Variants in PCDHA1 observed in about 807,000 individuals in gnomAD.
PCDHA1 encodes the protein protocadherin alpha 1.
A neutral mutation model predicts 61.3 loss-of-function variants in PCDHA1; 42 were observed. The ratio of observed to expected loss-of-function variants is 0.69; its 90% CI spans 0.54 to 0.89. The LOEUF is 0.89. PCDHA1 is among the 40% of genes least tolerant of loss of function. The pLI is 0.00. For missense variants in PCDHA1, 1,256 were observed against 1,235.3 expected (o/e 1.02, Z -0.25); for synonymous variants, 610 against 553.8 (o/e 1.10, Z -1.43).
chr5:140,839,045 G>A (rs914747083), intron 1 of PCDHA1, among the ~76,000 whole-genome samples: 2 of 151,914 alleles, frequency 1.3e-5, no homozygotes, highest in South Asian at 2.1e-4. Context: ...TCTTTTCAAC[G>A]TGAATAAGGA....
At chr5:140,994,248 G>A (rs188394827) in intron 3 of PCDHA1, among the ~76,000 whole-genome samples, 1 of 152,238 alleles carries the variant, frequency 6.6e-6, no homozygotes, top group East Asian at 1.9e-4. Flanking sequence ...TCAAACCCTA[G>A]GTAAATAAGG....
At chr5:140,825,489 C>T (rs189217781) in intron 1 of PCDHA1, 5 of 150,238 alleles carry the variant, frequency 3.3e-5, no homozygotes, top group East Asian at 3.9e-4. Context: ...GTTGCCCAAA[C>T]GAGTGCAATG....
intron 1 of PCDHA1, chr5:140,881,320 A>G (rs186641452): frequency 3.0e-6 from 3 of 983,610 alleles, no homozygotes; most frequent in East Asian, 1.1e-4. Context: ...GTTAAATTCT[A>G]TTTAACCAGG....
chr5:140,876,258 C>G lies in PCDHA1; in HGVS notation c.2394+87574C>G, dbSNP rs782047443. ...ATGTCCAAAACGACACAAGAGTGAT[C>G]CAACTAAATGCTTCCGATCCAGACG... On this transcript the variant is annotated intron_variant, in intron 1 of 3. Coordinates refer to ENST00000504120, the MANE Select transcript of PCDHA1 (RefSeq NM_018900.4). 4 of 1,613,968 alleles carry G rather than the reference C, an allele frequency of 2.5e-6. No homozygotes were observed. The East Asian group carries it at 8.9e-5, about 36-fold the overall frequency.
intron 1 of PCDHA1, chr5:140,863,238 T>G (rs1367184463): frequency 9.1e-6 from 12 of 1,318,616 alleles, no homozygotes; most frequent in Non-Finnish European, 1.3e-5. Context: ...CATCGCGGGC[T>G]TTGGCGGGCG....
chr5:140,961,135 A>T (rs1554225235), intron 1 of PCDHA1, among the ~76,000 whole-genome samples: 2 of 152,186 alleles, frequency 1.3e-5, no homozygotes, highest in African/African-American at 4.8e-5. Flanking sequence ...TTGGCACTTA[A>T]GAGTTGGCAT....
At position 140,829,969 on chromosome 5, in the gene PCDHA1, G is replaced by A. The variant is rs144012634; in HGVS notation, c.2394+41285G>A. The A allele has an allele frequency of 1.9e-4, 306 of 1,614,010 alleles. 1 individual carries two copies. The African/African-American group carries it at 3.5e-3, about 18-fold the overall frequency. On this transcript the variant is annotated intron_variant, in intron 1 of 3. Coordinates refer to ENST00000504120, the MANE Select transcript of PCDHA1 (RefSeq NM_018900.4). The stretch of plus-strand genomic sequence containing the variant: ...CTCGCTTCCCGTTTCGCGTGGGGCT[G>A]TACACGGGCGAGATCAGCACCACTC...
In PCDHA1 at chr5:140,869,193, G is replaced by C. The variant is rs1215630740; in HGVS notation, c.2394+80509G>C. The C allele has an allele frequency of 1.9e-6, 3 of 1,614,040 alleles. No individual in the cohort carries two copies. In the African/African-American group the frequency reaches 4.0e-5, roughly 22 times the overall value. On this transcript the variant is annotated intron_variant, in intron 1 of 3. Transcript: ENST00000504120. Reference sequence around the variant, plus strand: ...AATTCTGGGAGGTGGGGAGCGGCCAGCTCCACTACTCCGTCTCGGAGGAGG... The same window carrying C: ...AATTCTGGGAGGTGGGGAGCGGCCACCTCCACTACTCCGTCTCGGAGGAGG...
chr5:140,843,362 AGGCAGTC>A, intron 1 of PCDHA1: 4 of 1,595,998 alleles, frequency 2.5e-6, no homozygotes, highest in Non-Finnish European at 3.4e-6. Context: ...AGCGTCATCG[AGGCAGTC>A]GGCTGGCGTT....
intron 1 of PCDHA1, chr5:140,851,727 T>C (rs1216544821): frequency 1.0e-6 from 1 of 969,522 alleles, no homozygotes; most frequent in Non-Finnish European, 1.2e-6. Flanking sequence ...AACTTCGAGT[T>C]CTTTTGAAAT....
At chr5:140,918,042 A>C (rs1363704503) in intron 1 of PCDHA1, among the ~76,000 whole-genome samples, 1 of 152,088 alleles carries the variant, frequency 6.6e-6, no homozygotes, top group African/African-American at 2.4e-5. Flanking sequence ...AGGTCTTTCC[A>C]TTTGTTTTAT....
intron 1 of PCDHA1, among the ~76,000 whole-genome samples, chr5:140,960,972 T>G (rs936519951): frequency 4.9e-4 from 75 of 152,306 alleles, no homozygotes; most frequent in Non-Finnish European, 2.2e-4. Flanking sequence ...GCAGTTGCAA[T>G]TCTTGTTCCA....
chr5:140,891,096 T>A (rs926770209), intron 1 of PCDHA1, among the ~76,000 whole-genome samples: 1 of 152,210 alleles, frequency 6.6e-6, no homozygotes, highest in African/African-American at 2.4e-5. Context: ...ATTGTTGCTG[T>A]CAAGAATTTA....
At chr5:141,008,352 A>C (rs549122044) in intron 3 of PCDHA1, among the ~76,000 whole-genome samples, 2 of 152,322 alleles carry the variant, frequency 1.3e-5, no homozygotes, top group South Asian at 4.1e-4. Flanking sequence ...TTCACGTGTC[A>C]ACCAAAGGAG....
chr5:140,802,089 G>A (rs978364846), intron 1 of PCDHA1: 7 of 1,614,086 alleles, frequency 4.3e-6, no homozygotes, highest in Non-Finnish European at 5.9e-6. Context: ...TTTAGATCCA[G>A]TCAATGGACA....
intron 1 of PCDHA1, chr5:140,842,977 G>C: frequency 6.3e-7 from 1 of 1,595,034 alleles, no homozygotes; most frequent in Non-Finnish European, 8.6e-7. Context: ...TGACGCTGCA[G>C]GTGTTCGTGC....
At chr5:140,850,803 A>G in intron 1 of PCDHA1, 4 of 1,598,380 alleles carry the variant, frequency 2.5e-6, no homozygotes, top group Non-Finnish European at 3.4e-6. Context: ...GACCGACCTC[A>G]TGGCCTTCAG....
intron 1 of PCDHA1, chr5:140,926,949 G>C: frequency 3.8e-6 from 6 of 1,592,316 alleles, no homozygotes; most frequent in Non-Finnish European, 5.1e-6. Context: ...GCGCTGCAGC[G>C]GGACAGCTCG....
At chr5:140,899,193 G>T (rs2153463118) in intron 1 of PCDHA1, among the ~76,000 whole-genome samples, 1 of 151,990 alleles carries the variant, frequency 6.6e-6, no homozygotes, top group Middle Eastern at 3.4e-3. Context: ...TCCTTCTCCT[G>T]CCTAATTGCC....
Sources: allele counts gnomAD v4.1 joint callset (sites outside exome capture counted in the v4.1 genomes callset), GRCh38; gene constraint gnomAD v4.1.1; transcripts MANE v1.5; gene names NCBI Gene and HGNC (gene_info 2026-07-23, HGNC 2026-07-21).